CFAP46: variants seen among roughly 807,000 people sequenced by gnomAD.
CFAP46 encodes cilia and flagella associated protein 46.
CFAP46 carries 245 observed loss-of-function variants against 325.7 expected under a neutral mutation model. The observed-to-expected ratio is 0.75, with a 90% CI of 0.68 to 0.84. The LOEUF (loss-of-function observed/expected upper bound fraction) is 0.84. Among genes scored for constraint, CFAP46 ranks in the 40% least tolerant of loss-of-function variants. The pLI is 0.00. For missense variants in CFAP46, 3,346 were observed against 3,543.0 expected (o/e 0.94, Z 1.41); for synonymous variants, 1,523 against 1,495.9 (o/e 1.02, Z -0.42).
In CFAP46 at chr10:132,926,731, G is replaced by A. The variant is rs1024012224; in HGVS notation, c.967-65C>T. ...AAGGGAAGCAGCTGTGTACATTCATGAAATTCAAAGGCATTTAAAATATTA... is the reference window on the plus strand; with the variant it reads ...AAGGGAAGCAGCTGTGTACATTCATAAAATTCAAAGGCATTTAAAATATTA... On this transcript the variant is annotated intron_variant, in intron 9 of 57. Transcript: ENST00000368586. 20 of 1,175,866 alleles carry A rather than the reference G, an allele frequency of 1.7e-5. No homozygotes were observed. In the Admixed American group the frequency reaches 1.8e-4, roughly 11 times the overall value. 72.8% of individuals were successfully genotyped at this position (1,175,866 alleles called of 1,614,324 possible). A position where few individuals can be genotyped will look rare whatever the true frequency, so the allele number is the denominator to read the frequency against.
At chr10:132,854,527 TGG>T (rs372475150) in intron 39 of CFAP46, among the ~76,000 whole-genome samples, 9 of 152,156 alleles carry the variant, frequency 5.9e-5, no homozygotes, top group Middle Eastern at 3.4e-3. Context: ...TTAGTGGAGA[TGG>T]GGTTTCACCA....
chr10:132,920,647 C>A (rs1026915709), intron 13 of CFAP46, among the ~76,000 whole-genome samples: 1 of 152,252 alleles, frequency 6.6e-6, no homozygotes, highest in Non-Finnish European at 1.5e-5. Context: ...CAGCTCCACA[C>A]CCTGGGGGGC....
At chr10:132,894,087 G>T (rs1479386206) in intron 24 of CFAP46, among the ~76,000 whole-genome samples, 1 of 152,272 alleles carries the variant, frequency 6.6e-6, no homozygotes, top group Admixed American at 6.5e-5. Context: ...AACACGCTTT[G>T]AGGTTGCTGC....
In CFAP46 at chr10:132,808,532, C is replaced by G. The variant is rs1247062868; in HGVS notation, c.8037G>C (p.Trp2679Cys). 1.9e-6 allele frequency: 3 copies of G among 1,612,972 alleles called. No homozygotes were observed. Among genetic ancestry groups the G allele is most frequent in the South Asian group, 1.1e-5 (1 of 91,080 alleles). ...LCAPWGLRRGWSCVSSRGQDK... is the reference protein window; with the variant it reads ...LCAPWGLRRGCSCVSSRGQDK... ...CCTGGCCCCGGGAAGAGACGCAGCT[C>G]CAGCCCCGACGCAGACCCCATGGCG... The change falls in exon 58 of 58, where the codon TGG becomes TGC. Residue 2679 changes from tryptophan to cysteine, a missense_variant. By Grantham distance (215) the Trp-to-Cys change is radical. Transcript: ENST00000368586. This position sits in a 1 kb window ranked among gnomAD's most constrained non-coding sequence, Gnocchi z 6.8.
At chr10:132,850,050 T>G (rs890768230) in intron 41 of CFAP46, among the ~76,000 whole-genome samples, 194 bp downstream of exon 41, 2 of 152,206 alleles carry the variant, frequency 1.3e-5, no homozygotes, top group Non-Finnish European at 2.9e-5. Context: ...GACACTGTGT[T>G]TCCCTCCCAG....
chr10:132,926,556 G>C lies in CFAP46; in HGVS notation c.1065+12C>G. ...ATAATGCCAGGTGTATGACTCCTGC[G>C]TAAGGACTGACCTCAACAGCCGCTC... On this transcript the variant is annotated intron_variant, in intron 10 of 57. Transcript: ENST00000368586. The C allele has an allele frequency of 1.3e-6, 2 of 1,527,406 alleles. No homozygotes were observed. The highest frequency in any genetic ancestry group is 1.8e-6 in the Non-Finnish European group (2 of 1,139,084). 94.6% of individuals were successfully genotyped at this position (1,527,406 alleles called of 1,614,324 possible).
chr10:132,924,939 G>A (rs953878277), intron 10 of CFAP46, 53 bp from the exon 11 acceptor site: 3 of 1,350,426 alleles, frequency 2.2e-6, no homozygotes, highest in Non-Finnish European at 2.9e-6. Flanking sequence ...GAGCTGCGGG[G>A]CTGGGGCGGC....
rs774093270 is a variant in CFAP46 at position 132,857,578 on chromosome 10, A to G, written c.5574+12T>C. 11 of 1,610,788 alleles carry G rather than the reference A, an allele frequency of 6.8e-6. No homozygotes were observed. The highest frequency in any genetic ancestry group is 6.8e-5 in the Admixed American group (4 of 58,916). On this transcript the variant is annotated intron_variant, in intron 39 of 57. Transcript: ENST00000368586. ...TGACCCAGTGTGCACAGGAACCAGG[A>G]CACCTGCTTACGTCTTGAAGTGACA...
chr10:132,844,421 C>T (rs574912577), intron 44 of CFAP46, among the ~76,000 whole-genome samples: 7 of 152,286 alleles, frequency 4.6e-5, no homozygotes, highest in African/African-American at 9.6e-5. Context: ...ATTGCTTCCA[C>T]GGCTGATAAC....
intron 22 of CFAP46, among the ~76,000 whole-genome samples, chr10:132,907,246 C>A (rs760861500): frequency 1.1e-4 from 16 of 152,204 alleles, no homozygotes; most frequent in Non-Finnish European, 1.5e-5. Flanking sequence ...AGGAAATTAG[C>A]CAAAAAGAAC....
chr10:132,897,345 G>A (rs1277627819), intron 24 of CFAP46, among the ~76,000 whole-genome samples: 1 of 152,202 alleles, frequency 6.6e-6, no homozygotes. Context: ...GAAAATACTT[G>A]CAAATCAGGT....
At chr10:132,835,266 G>C (rs2135010270) in intron 47 of CFAP46, 38 bp downstream of exon 47, 1 of 1,605,044 alleles carries the variant, frequency 6.2e-7, no homozygotes, top group East Asian at 2.2e-5. Context: ...GGGAGCAGAG[G>C]GTCCCGGCTG....
chr10:132,843,449 G>A (rs954200815), intron 44 of CFAP46, among the ~76,000 whole-genome samples: 15 of 132,868 alleles, frequency 1.1e-4, no homozygotes, highest in Non-Finnish European at 1.7e-4. Flanking sequence ...CACAGTGGGC[G>A]TTCCCAGGGT....
At chr10:132,878,993 C>T (rs1848998133) in intron 29 of CFAP46, among the ~76,000 whole-genome samples, 1 of 152,184 alleles carries the variant, frequency 6.6e-6, no homozygotes, top group South Asian at 2.1e-4. Flanking sequence ...CTCTGGAAGC[C>T]CCGTCAGCGG....
intron 35 of CFAP46, among the ~76,000 whole-genome samples, chr10:132,864,897 C>T (rs1848791461): frequency 6.7e-6 from 1 of 149,652 alleles, no homozygotes; most frequent in Non-Finnish European, 1.5e-5. Context: ...CTGCACACAC[C>T]TGCCCTCAGT....
chr10:132,870,638 G>C (rs1848884635), intron 32 of CFAP46, among the ~76,000 whole-genome samples: 1 of 152,220 alleles, frequency 6.6e-6, no homozygotes, highest in Non-Finnish European at 1.5e-5. Flanking sequence ...GTCTCATCCA[G>C]AGCCAGGCCC....
At chr10:132,878,258 G>A (rs1015500493) in intron 29 of CFAP46, among the ~76,000 whole-genome samples, 171 bp from the exon 30 acceptor site, 9 of 152,218 alleles carry the variant, frequency 5.9e-5, no homozygotes, top group South Asian at 2.1e-4. Context: ...CCTAGAGCAC[G>A]GAGCTGGGCT....
chr10:132,911,292 C>T (rs1221321992), intron 19 of CFAP46, among the ~76,000 whole-genome samples: 2 of 152,272 alleles, frequency 1.3e-5, no homozygotes, highest in African/African-American at 2.4e-5. Context: ...GCTGGGAGCA[C>T]TAGGGCCCTC....
chr10:132,847,317 C>G lies in CFAP46; in HGVS notation c.5957G>C (p.Gly1986Ala). Reference sequence around the variant, plus strand: ...AGACTTGAGGCCGCTCAGCTTGGCGCCCACCTGTGACACACATTGCAGGTT... The same window carrying G: ...AGACTTGAGGCCGCTCAGCTTGGCGGCCACCTGTGACACACATTGCAGGTT... ...TCYWEAGPSV[G>A]AKLSGLKSLE... The change falls in exon 42 of 58, where the codon GGC (glycine) becomes GCC (alanine). Residue 1986 changes from glycine (G) to alanine (A), a missense_variant. Coordinates refer to ENST00000368586, the MANE Select transcript of CFAP46 (RefSeq NM_001200049.3). This position sits in a 1 kb window ranked among gnomAD's most constrained non-coding sequence, Gnocchi z 5.2. 2 of 1,613,480 alleles carry G rather than the reference C, an allele frequency of 1.2e-6. No individual in the cohort carries two copies. Among genetic ancestry groups the G allele is most frequent in the Non-Finnish European group, 1.7e-6 (2 of 1,179,882 alleles).
Sources: allele counts gnomAD v4.1 joint callset (sites outside exome capture counted in the v4.1 genomes callset), GRCh38; gene constraint gnomAD v4.1.1; non-coding constraint Gnocchi (gnomAD v3.1); transcripts MANE v1.5; gene names NCBI Gene and HGNC (gene_info 2026-07-23, HGNC 2026-07-21).